Variants in PEX3 observed in about 807,000 individuals in gnomAD.
PEX3 encodes the protein peroxin-3.
PEX3 carries 30 observed loss-of-function variants against 55.8 expected under a neutral mutation model. That is an observed-to-expected ratio of 0.54 (90% CI 0.40 to 0.73). The LOEUF (loss-of-function observed/expected upper bound fraction) is 0.73, where lower values mean the gene tolerates loss of function less well. Among genes scored for constraint, PEX3 ranks in the 30% least tolerant of loss-of-function variants. PEX3 has a pLI of 0.00. For synonymous variants in PEX3, 135 were observed against 148.4 expected, an observed-to-expected ratio of 0.91 and a Z score of 0.66; for missense variants, 351 against 432.8, an observed-to-expected ratio of 0.81 and a Z score of 1.68.
Position 143,462,222 on chromosome 6 carries a change from C to T in PEX3, c.206-694C>T, listed in dbSNP as rs930406808. Among the ~76,000 whole-genome samples, 3 of 152,260 alleles carry T rather than the reference C, an allele frequency of 2.0e-5. No homozygotes were observed. In the South Asian group the frequency reaches 6.2e-4, roughly 32 times the overall value. On this transcript the variant is annotated intron_variant, in intron 2 of 11. Transcript: ENST00000367591. This position sits in a 1 kb window ranked among gnomAD's most constrained non-coding sequence, Gnocchi z 4.1. ...GGGAGTAAGAAACAATAACAAACAA[C>T]AGCCACTGACAAAACTAAAACTAAA...
Position 143,465,351 on chromosome 6 carries a change from G to A in PEX3, c.287+2354G>A, listed in dbSNP as rs1477530821. Among the ~76,000 whole-genome samples the A allele has an allele frequency of 6.6e-6, 1 of 151,814 alleles. No homozygotes were observed. Among genetic ancestry groups the A allele is most frequent in the Non-Finnish European group, 1.5e-5 (1 of 67,828 alleles). The stretch of plus-strand genomic sequence containing the variant: ...GTCTAATAATGTTAAGTGTAAACAT[G>A]AAGAAATGTCCTGGGTAACTATTAC... On this transcript the variant is annotated intron_variant, in intron 3 of 11. Transcript: ENST00000367591. This position sits in a 1 kb window ranked among gnomAD's most constrained non-coding sequence, Gnocchi z 4.7.
intron 2 of PEX3, among the ~76,000 whole-genome samples, chr6:143,460,600 C>A (rs776369505): frequency 3.9e-5 from 6 of 152,118 alleles, no homozygotes; most frequent in Non-Finnish European, 7.4e-5. Flanking sequence ...CATGGTGGCT[C>A]ACGCCTGTAA....
At chr6:143,477,094 G>T (rs1274958165) in intron 9 of PEX3, among the ~76,000 whole-genome samples, 1 of 152,198 alleles carries the variant, frequency 6.6e-6, no homozygotes, top group East Asian at 1.9e-4. Context: ...ACATTAGATG[G>T]AGTTGTTGAT....
Position 143,453,242 on chromosome 6 carries a change from T to C in PEX3, c.73+2127T>C, listed in dbSNP as rs933086053. Among the ~76,000 whole-genome samples, 2 of 152,138 alleles carry C rather than the reference T, an allele frequency of 1.3e-5. No individual in the cohort carries two copies. The highest frequency in any genetic ancestry group is 4.8e-5 in the African/African-American group (2 of 41,430). On this transcript the variant is annotated intron_variant, in intron 1 of 11. Coordinates refer to ENST00000367591, the MANE Select transcript of PEX3 (RefSeq NM_003630.3). This position sits in a 1 kb window ranked among gnomAD's most constrained non-coding sequence, Gnocchi z 4.6. ...TCACACTGGCAAGTAGCATATGCAG[T>C]TGTGAAAAATCAGGAAGAATTTCAT...
In PEX3 at chr6:143,471,582, T is replaced by G; in HGVS notation, c.549T>G (p.Ile183Met). The G allele has an allele frequency of 1.9e-6, 3 of 1,612,808 alleles. No homozygotes were observed. Among genetic ancestry groups the G allele is most frequent in the Non-Finnish European group, 2.5e-6 (3 of 1,179,056 alleles). ...GDGLTELITV[I>M]KQAVQKVLGS... ...GCCTGACAGAATTGATCACTGTCAT[T>G]AAACAAGCTGTGCAGAAGGTTTTAG... Residue 183 changes from isoleucine (I) to methionine (M), a missense_variant, in exon 7 of 12, where the codon ATT (isoleucine) becomes ATG (methionine). Transcript: ENST00000367591. The surrounding 1 kb of genome is among the most constrained non-coding windows in gnomAD (Gnocchi z 5.4).
At chr6:143,481,325 G>A (rs929318855) in intron 10 of PEX3, among the ~76,000 whole-genome samples, 5 of 151,878 alleles carry the variant, frequency 3.3e-5, no homozygotes, top group African/African-American at 9.7e-5. Context: ...CCATGTGCTA[G>A]TTTGATGATA....
rs1490864290 is a variant in PEX3, at chr6:143,453,448, G to A, written c.73+2333G>A. ...GGGTGGGTAACTAATTGGTTTACGC[G>A]TTTGTATAATTTGACCAGTTTGGGG... On this transcript the variant is annotated intron_variant, in intron 1 of 11. Coordinates refer to ENST00000367591, the MANE Select transcript of PEX3 (RefSeq NM_003630.3). This position sits in a 1 kb window ranked among gnomAD's most constrained non-coding sequence, Gnocchi z 4.6. Among the ~76,000 whole-genome samples, 1 of 152,014 alleles carries A rather than the reference G, an allele frequency of 6.6e-6. No individual in the cohort carries two copies. The highest frequency in any genetic ancestry group is 2.4e-5 in the African/African-American group (1 of 41,410).
Position 143,489,120 on chromosome 6 carries a change from T to A in PEX3, c.1039-23T>A. The A allele has an allele frequency of 6.7e-7, 1 of 1,486,754 alleles. No individual in the cohort carries two copies. The highest frequency in any genetic ancestry group is 9.4e-7 in the Non-Finnish European group (1 of 1,064,086). The allele number at this position is 1,486,754 out of a possible 1,614,324, so 92.1% of individuals were successfully genotyped here. On this transcript the variant is annotated intron_variant, in intron 11 of 11. Transcript: ENST00000367591. This position sits in a 1 kb window ranked among gnomAD's most constrained non-coding sequence, Gnocchi z 5.5. ...TAGCTATATGTTTTGCAAACTATAA[T>A]GTTATATTATCATCTTTGCTAGGAT...
At position 143,485,010 on chromosome 6, in the gene PEX3, C is replaced by T. The variant is rs1160367781; in HGVS notation, c.942-142C>T. The T allele has an allele frequency of 1.5e-5, 10 of 651,446 alleles. No individual in the cohort carries two copies. The highest frequency in any genetic ancestry group is 5.0e-5 in the Admixed American group (2 of 39,896). 40.4% of individuals were successfully genotyped at this position (651,446 alleles called of 1,614,324 possible). On this transcript the variant is annotated intron_variant, in intron 10 of 11. Transcript: ENST00000367591. The surrounding 1 kb of genome is among the most constrained non-coding windows in gnomAD (Gnocchi z 5.6). ...GTCAATTAGAGTTGTTATTTCTAAG[C>T]GATAGAATTGTGGGGTTTTTTTTCC...
Position 143,465,127 on chromosome 6 carries a change from C to T in PEX3, c.287+2130C>T, listed in dbSNP as rs1779974681. The stretch of plus-strand genomic sequence containing the variant: ...GTTTAATTCTCTTTACTTTTTATTT[C>T]TCCATGAAGGTATTTTAGTGACATT... On this transcript the variant is annotated intron_variant, in intron 3 of 11. Transcript: ENST00000367591. This position sits in a 1 kb window ranked among gnomAD's most constrained non-coding sequence, Gnocchi z 4.7. Among the ~76,000 whole-genome samples, 1 of 151,918 alleles carries T rather than the reference C, an allele frequency of 6.6e-6. No homozygotes were observed. The highest frequency in any genetic ancestry group is 1.5e-5 in the Non-Finnish European group (1 of 67,862).
In PEX3 at chr6:143,486,110, G is replaced by C. The variant is rs1044300499; in HGVS notation, c.1038+862G>C. Among the ~76,000 whole-genome samples the C allele has an allele frequency of 6.6e-6, 1 of 152,050 alleles. No individual in the cohort carries two copies. Among genetic ancestry groups the C allele is most frequent in the Admixed American group, 6.6e-5 (1 of 15,250 alleles). ...CCTTTCACTGTGGTGTCATCAGCCT[G>C]TCCTTCACATGCACATTTTCCCACA... On this transcript the variant is annotated intron_variant, in intron 11 of 11. Transcript: ENST00000367591. The surrounding 1 kb of genome is among the most constrained non-coding windows in gnomAD (Gnocchi z 5.0).
intron 9 of PEX3, among the ~76,000 whole-genome samples, chr6:143,478,568 T>C (rs1047415377): frequency 2.0e-5 from 3 of 152,098 alleles, no homozygotes; most frequent in Non-Finnish European, 4.4e-5. Context: ...TTATTCTTTA[T>C]ATTAAAGAGT....
intron 9 of PEX3, 33 bp downstream of exon 9, chr6:143,474,889 T>G (rs1257267224): frequency 9.1e-7 from 1 of 1,102,176 alleles, no homozygotes; most frequent in South Asian, 1.2e-5. Flanking sequence ...GAAAAATATG[T>G]GTGTATGTTG....
rs1779804720 is a variant in PEX3, at chr6:143,453,624, A to G, written c.73+2509A>G. The stretch of plus-strand genomic sequence containing the variant: ...GCTAGCTTTACAATGTAAGGCAAGT[A>G]GAAAGGCTTCCTTATGAAGATTTGC... On this transcript the variant is annotated intron_variant, in intron 1 of 11. Transcript: ENST00000367591. This position sits in a 1 kb window ranked among gnomAD's most constrained non-coding sequence, Gnocchi z 4.6. Among the ~76,000 whole-genome samples the G allele has an allele frequency of 6.6e-6, 1 of 152,180 alleles. No homozygotes were observed. The highest frequency in any genetic ancestry group is 2.4e-5 in the African/African-American group (1 of 41,438).
rs554962527 is a variant in PEX3, at chr6:143,465,490, A to T, written c.287+2493A>T. 1.5e-4 allele frequency among the ~76,000 whole-genome samples: 23 copies of T among 152,028 alleles called. No individual in the cohort carries two copies. In the South Asian group the frequency reaches 3.9e-3, roughly 26 times the overall value. On this transcript the variant is annotated intron_variant, in intron 3 of 11. Transcript: ENST00000367591. The surrounding 1 kb of genome is among the most constrained non-coding windows in gnomAD (Gnocchi z 4.7). The stretch of plus-strand genomic sequence containing the variant: ...CGCCCAAGCTGGAGTACAGTGGCAC[A>T]ATCATGGCTCACTACTAAGCACTTT...
chr6:143,471,171 GAAAT>G lies in PEX3; in HGVS notation c.456+92_456+95del. 8.2e-7 allele frequency: 1 copy of G among 1,221,300 alleles called. No individual in the cohort carries two copies. 75.7% of individuals were successfully genotyped at this position (1,221,300 alleles called of 1,614,324 possible). ...TATTTATCCTGATAACAATTTCTATGAAATAAATATTTTTATATTTCATGTGATT... is the reference window on the plus strand; with the variant it reads ...TATTTATCCTGATAACAATTTCTATGAAATATTTTTATATTTCATGTGATT... On this transcript the variant is annotated intron_variant, in intron 5 of 11. Transcript: ENST00000367591. The surrounding 1 kb of genome is among the most constrained non-coding windows in gnomAD (Gnocchi z 5.4).
chr6:143,478,243 C>T (rs1423128730), intron 9 of PEX3, among the ~76,000 whole-genome samples: 1 of 152,010 alleles, frequency 6.6e-6, no homozygotes, highest in East Asian at 1.9e-4. Context: ...TTAATGGTTA[C>T]CTGGGGCTAA....
At position 143,466,038 on chromosome 6, in the gene PEX3, GA is replaced by G. The variant is rs528982723; in HGVS notation, c.288-2076del. On this transcript the variant is annotated intron_variant, in intron 3 of 11. Transcript: ENST00000367591. This position sits in a 1 kb window ranked among gnomAD's most constrained non-coding sequence, Gnocchi z 5.4. ...TCTGTGACAGATTGGAAAGGAAAAG[GA>G]AAAAAAATGGATCCTTCCACTAGTG... 3.3e-5 allele frequency among the ~76,000 whole-genome samples: 5 copies of G among 151,310 alleles called. No homozygotes were observed. The South Asian group carries it at 1.0e-3, about 32-fold the overall frequency.
Position 143,463,100 on chromosome 6 carries a change from A to G in PEX3, c.287+103A>G, listed in dbSNP as rs915603430. 1.1e-5 allele frequency: 9 copies of G among 827,938 alleles called. No individual in the cohort carries two copies. Among genetic ancestry groups the G allele is most frequent in the Non-Finnish European group, 1.8e-5 (9 of 488,544 alleles). 51.3% of individuals were successfully genotyped at this position (827,938 alleles called of 1,614,324 possible). A position where few individuals can be genotyped will look rare whatever the true frequency, so the allele number is the denominator to read the frequency against. On this transcript the variant is annotated intron_variant, in intron 3 of 11. Coordinates refer to ENST00000367591, the MANE Select transcript of PEX3 (RefSeq NM_003630.3). This position sits in a 1 kb window ranked among gnomAD's most constrained non-coding sequence, Gnocchi z 5.7. Reference sequence around the variant, plus strand: ...ATCTTTGTTATTTTTCTATCTAATGAAAGTTTATATAGGCTCAGTAAGAAA... The same window carrying G: ...ATCTTTGTTATTTTTCTATCTAATGGAAGTTTATATAGGCTCAGTAAGAAA...
Sources: allele counts gnomAD v4.1 joint callset (sites outside exome capture counted in the v4.1 genomes callset), GRCh38; gene constraint gnomAD v4.1.1; non-coding constraint Gnocchi (gnomAD v3.1); transcripts MANE v1.5; gene names NCBI Gene and HGNC (gene_info 2026-07-23, HGNC 2026-07-21).